Variants in DNAJC3 observed in about 807,000 individuals in gnomAD.
DNAJC3 encodes DnaJ heat shock protein family (Hsp40) member C3.
DNAJC3 carries 38 observed loss-of-function variants against 68.6 expected under a neutral mutation model. The ratio of observed to expected loss-of-function variants is 0.55; its 90% CI spans 0.43 to 0.73. The LOEUF is 0.73. Ranked by LOEUF, DNAJC3 falls within the 30% of genes least tolerant of loss-of-function variation. The probability of loss-of-function intolerance (pLI) is 0.00; values close to 1 mark genes in which losing one functional copy is unlikely to be tolerated. For missense variants in DNAJC3, 526 were observed against 591.9 expected, an observed-to-expected ratio of 0.89 and a Z score of 1.16; for synonymous variants, 203 against 204.0, an observed-to-expected ratio of 1.00 and a Z score of 0.04.
intron 1 of DNAJC3, among the ~76,000 whole-genome samples, chr13:95,692,119 G>GGAAAGAGA (rs1880288436): frequency 6.8e-6 from 1 of 146,876 alleles, no homozygotes; most frequent in African/African-American, 2.7e-5. Flanking sequence ...GGGAGACTGT[G>GGAAAGAGA]GGGAGAGGGA....
chr13:95,738,728 A>C (rs575425058), intron 4 of DNAJC3, among the ~76,000 whole-genome samples: 41 of 152,158 alleles, frequency 2.7e-4, no homozygotes, highest in African/African-American at 8.4e-4. Flanking sequence ...TCTGCACGTG[A>C]GATGGGTTTC....
At chr13:95,768,512 C>T (rs1020451936) in intron 9 of DNAJC3, among the ~76,000 whole-genome samples, 3 of 152,188 alleles carry the variant, frequency 2.0e-5, no homozygotes, top group African/African-American at 7.2e-5. Flanking sequence ...AGATTGCTTT[C>T]TCTGGATGAA....
At chr13:95,685,124 C>T (rs1032007093) in intron 1 of DNAJC3, among the ~76,000 whole-genome samples, 2 of 152,244 alleles carry the variant, frequency 1.3e-5, no homozygotes, top group Non-Finnish European at 2.9e-5. Context: ...TTGCACCATG[C>T]ACCTGGAAAA....
intron 4 of DNAJC3, among the ~76,000 whole-genome samples, chr13:95,755,530 G>A (rs1179550411): frequency 3.3e-5 from 5 of 151,646 alleles, no homozygotes; most frequent in African/African-American, 4.8e-5. Context: ...AGGCTGAGGC[G>A]GGCGGATCAC....
At chr13:95,770,134 G>T (rs1883119057) in intron 9 of DNAJC3, among the ~76,000 whole-genome samples, 1 of 152,164 alleles carries the variant, frequency 6.6e-6, no homozygotes, top group Non-Finnish European at 1.5e-5. Context: ...TTAGTGCAGA[G>T]GGTAGGTTTG....
In DNAJC3 at chr13:95,764,782, C is replaced by T. The variant is rs1445650979; in HGVS notation, c.1075+829C>T. 2.2e-5 allele frequency among the ~76,000 whole-genome samples: 3 copies of T among 133,810 alleles called. No individual in the cohort carries two copies. The Admixed American group carries it at 2.4e-4, about 11-fold the overall frequency. The allele number at this position is 133,810 out of a possible 152,430, so 87.8% of individuals were successfully genotyped here. A position where few individuals can be genotyped will look rare whatever the true frequency, so the allele number is the denominator to read the frequency against. On this transcript the variant is annotated intron_variant, in intron 9 of 11. Transcript: ENST00000602402. Reference sequence around the variant, plus strand: ...ATACATATATATATATAGTTTTGTGCCTTTTTTCATGTGACACTATGTTAT... The same window carrying T: ...ATACATATATATATATAGTTTTGTGTCTTTTTTCATGTGACACTATGTTAT...
chr13:95,730,021 G>T (rs561518501), intron 4 of DNAJC3, among the ~76,000 whole-genome samples: 1 of 151,978 alleles, frequency 6.6e-6, no homozygotes, highest in South Asian at 2.1e-4. Context: ...TTTGAGTTGG[G>T]GTCTCTGTCA....
At chr13:95,716,299 C>T (rs1881144186) in intron 2 of DNAJC3, among the ~76,000 whole-genome samples, 1 of 152,186 alleles carries the variant, frequency 6.6e-6, no homozygotes, top group Admixed American at 6.5e-5. Context: ...CAGACCCTTA[C>T]TGGGAGCATG....
At chr13:95,726,992 A>C (rs563323657) in intron 4 of DNAJC3, among the ~76,000 whole-genome samples, 1 of 152,248 alleles carries the variant, frequency 6.6e-6, no homozygotes, top group South Asian at 2.1e-4. Flanking sequence ...CTTTTTATCT[A>C]TCTCCCCTCC....
chr13:95,755,414 A>G (rs1882624480), intron 4 of DNAJC3, among the ~76,000 whole-genome samples: 1 of 151,730 alleles, frequency 6.6e-6, no homozygotes, highest in African/African-American at 2.4e-5. Context: ...ACATGCCACT[A>G]CACTCCAGCC....
chr13:95,760,063 A>G lies in DNAJC3; in HGVS notation c.570A>G (p.Leu190=). 1 of 1,607,038 alleles carries G rather than the reference A, an allele frequency of 6.2e-7. No homozygotes were observed. Among genetic ancestry groups the G allele is most frequent in the East Asian group, 2.2e-5 (1 of 44,796 alleles). The stretch of plus-strand genomic sequence containing the variant: ...AGGTTTGTGTTTGGGATGCAGAACT[A>G]CGGGAACTTCGAGCTGAATGTTTTA... ...ILEVCVWDAE[L]RELRAECFIK... is the part of the protein sequence containing the mutation. The change falls in exon 6 of 12, where the codon CTA becomes CTG. Residue 190 remains leucine, a synonymous_variant. Transcript: ENST00000602402.
intron 1 of DNAJC3, chr13:95,692,895 A>G (rs1880317491): frequency 6.7e-6 from 1 of 148,668 alleles, no homozygotes; most frequent in African/African-American, 2.5e-5. Flanking sequence ...ATCTCGGCTC[A>G]CTGCAAGCTC....
At chr13:95,744,261 A>G (rs995250541) in intron 4 of DNAJC3, among the ~76,000 whole-genome samples, 1 of 152,174 alleles carries the variant, frequency 6.6e-6, no homozygotes, top group Non-Finnish European at 1.5e-5. Context: ...TTAAATTCCA[A>G]CTTTTGCATG....
intron 9 of DNAJC3, among the ~76,000 whole-genome samples, chr13:95,764,584 C>A (rs1450194892): frequency 7.1e-6 from 1 of 140,704 alleles, no homozygotes; most frequent in Non-Finnish European, 1.5e-5. Flanking sequence ...AAAGCAGTGT[C>A]CTGTTTTTGG....
chr13:95,791,385 G>C lies in DNAJC3; in HGVS notation c.*355G>C. The C allele has an allele frequency of 3.8e-6, 1 of 263,160 alleles. No individual in the cohort carries two copies. The highest frequency in any genetic ancestry group is 7.3e-6 in the Non-Finnish European group (1 of 136,740). 16.3% of individuals were successfully genotyped at this position (263,160 alleles called of 1,614,324 possible). A position where few individuals can be genotyped will look rare whatever the true frequency, so the allele number is the denominator to read the frequency against. On this transcript the variant is annotated 3_prime_UTR_variant, in exon 12 of 12. Transcript: ENST00000602402. Reference sequence around the variant, plus strand: ...CTTCACAGCCTTGCAGAGTAAGTCAGTGCCTACAAGTGTAAGAAGGAGCTG... The same window carrying C: ...CTTCACAGCCTTGCAGAGTAAGTCACTGCCTACAAGTGTAAGAAGGAGCTG...
Position 95,783,840 on chromosome 13 carries a change from T to C in DNAJC3, c.1076-2099T>C, listed in dbSNP as rs138998883. 5.3e-5 allele frequency among the ~76,000 whole-genome samples: 8 copies of C among 152,110 alleles called. No homozygotes were observed. In the East Asian group the frequency reaches 1.4e-3, roughly 26 times the overall value. Reference sequence around the variant, plus strand: ...GACAATTTGAAGAGGGCAGGACTTATTGGGTGAAAAGGAAAAGAGGGAAAC... The same window carrying C: ...GACAATTTGAAGAGGGCAGGACTTACTGGGTGAAAAGGAAAAGAGGGAAAC... On this transcript the variant is annotated intron_variant, in intron 9 of 11. Transcript: ENST00000602402.
intron 9 of DNAJC3, among the ~76,000 whole-genome samples, chr13:95,779,364 T>C (rs1883384240): frequency 6.6e-6 from 1 of 152,146 alleles, no homozygotes; most frequent in South Asian, 2.1e-4. Context: ...GACCTCGTGA[T>C]CTGCCCACTG....
chr13:95,688,931 T>G (rs982839447), intron 1 of DNAJC3, among the ~76,000 whole-genome samples: 79 of 86,282 alleles, frequency 9.2e-4, no homozygotes, highest in African/African-American at 3.2e-3. Flanking sequence ...TGTGTGGGTG[T>G]GTGTGTGTGT....
At chr13:95,716,464 C>G (rs1881149585) in intron 2 of DNAJC3, among the ~76,000 whole-genome samples, 1 of 152,206 alleles carries the variant, frequency 6.6e-6, no homozygotes, top group Non-Finnish European at 1.5e-5. Flanking sequence ...TCAGTAGACC[C>G]TCTCCCTTAT....
Sources: gnomAD v4.1 joint callset for allele counts (sites outside exome capture counted in the v4.1 genomes callset) on GRCh38, gnomAD v4.1.1 for gene constraint, MANE v1.5 for transcripts, NCBI Gene and HGNC (gene_info 2026-07-23, HGNC 2026-07-21) for gene names.